Variants in ADAMTSL1 observed in about 807,000 individuals in gnomAD.
ADAMTSL1 encodes ADAMTS like 1, also known as ADAMTS-like protein 1.
ADAMTSL1 carries 126 observed loss-of-function variants against 201.8 expected under a neutral mutation model. The ratio of observed to expected loss-of-function variants is 0.62; its 90% CI spans 0.54 to 0.72. ADAMTSL1 has a LOEUF of 0.72. Ranked by LOEUF, ADAMTSL1 falls within the 30% of genes least tolerant of loss-of-function variation. The probability of loss-of-function intolerance (pLI) is 0.00; values close to 1 mark genes in which losing one functional copy is unlikely to be tolerated. For missense variants in ADAMTSL1, 2,679 were observed against 2,277.8 expected (o/e 1.18, Z -3.59); for synonymous variants, 1,121 against 903.4 (o/e 1.24, Z -4.32).
At chr9:18,099,339 ATATATATATATATATATTT>A (rs1188879231) in intron 1 of ADAMTSL1, among the ~76,000 whole-genome samples, 5 of 44,302 alleles carry the variant, frequency 1.1e-4, no homozygotes, top group East Asian at 7.5e-4. Flanking sequence ...ATATATATAT[ATATATATATATATATATTT>A]TTTTTTTTTT....
At chr9:18,453,959 A>C (rs1820510884) in intron 2 of ADAMTSL1, among the ~76,000 whole-genome samples, 2 of 152,192 alleles carry the variant, frequency 1.3e-5, no homozygotes, top group Admixed American at 1.3e-4. Flanking sequence ...GTAGTACCAA[A>C]ATCTGTATTA....
chr9:18,158,825 G>A (rs745787596), intron 1 of ADAMTSL1, among the ~76,000 whole-genome samples: 3 of 151,796 alleles, frequency 2.0e-5, no homozygotes, highest in Non-Finnish European at 4.4e-5. Context: ...CCTTCCTTCT[G>A]TTGATCTCTG....
In ADAMTSL1 at chr9:18,826,324, C is replaced by T; in HGVS notation, c.3975C>T (p.Ser1325=). The T allele has an allele frequency of 6.2e-7, 1 of 1,612,868 alleles. No homozygotes were observed. Among genetic ancestry groups the T allele is most frequent in the Non-Finnish European group, 8.5e-7 (1 of 1,179,682 alleles). ...AAGTCACTTGGTTCAGGAATAAAAGCAAACTGGGCTCCCCGCACCATCTGC... is the reference window on the plus strand; with the variant it reads ...AAGTCACTTGGTTCAGGAATAAAAGTAAACTGGGCTCCCCGCACCATCTGC... ...EAEVTWFRNK[S]KLGSPHHLHE... Residue 1325 remains serine (S), a synonymous_variant, in exon 22 of 29, where the codon AGC becomes AGT. Transcript: ENST00000380548.
In ADAMTSL1 at chr9:18,776,934, G is replaced by A. The variant is rs781529465; in HGVS notation, c.2705G>A (p.Arg902His). The change falls in exon 19 of 29, where the codon CGC (arginine) becomes CAC (histidine). Residue 902 changes from arginine (R) to histidine (H), a missense_variant. Coordinates refer to ENST00000380548, the MANE Select transcript of ADAMTSL1 (RefSeq NM_001040272.6). ...GCGGTGGTGCTGCGCTGCCCGGCGC[G>A]CAGGGTCCGCAAGCCCCTCATCACC... ...KTAVVLRCPA[R>H]RVRKPLITWE... The A allele has an allele frequency of 1.9e-6, 3 of 1,601,524 alleles. No individual in the cohort carries two copies. Among genetic ancestry groups the A allele is most frequent in the South Asian group, 1.1e-5 (1 of 88,998 alleles).
intron 4 of ADAMTSL1, among the ~76,000 whole-genome samples, chr9:18,596,653 T>G (rs1466659199): frequency 6.6e-6 from 1 of 152,144 alleles, no homozygotes; most frequent in Non-Finnish European, 1.5e-5. Context: ...CTATGTGAGG[T>G]GATATTGTTA....
intron 13 of ADAMTSL1, among the ~76,000 whole-genome samples, chr9:18,704,251 C>A: frequency 6.6e-6 from 1 of 152,168 alleles, no homozygotes; most frequent in East Asian, 1.9e-4. Context: ...GTAGCTGCAA[C>A]AGAGTTCACG....
intron 26 of ADAMTSL1, among the ~76,000 whole-genome samples, chr9:18,902,486 A>G (rs1294862051): frequency 1.3e-5 from 2 of 151,256 alleles, no homozygotes; most frequent in African/African-American, 4.9e-5. Context: ...CGTGGAAATC[A>G]AACAAAACAC....
At chr9:18,373,124 C>G (rs944210928) in intron 2 of ADAMTSL1, among the ~76,000 whole-genome samples, 4 of 152,128 alleles carry the variant, frequency 2.6e-5, no homozygotes, top group African/African-American at 9.7e-5. Flanking sequence ...GGAGTCTATT[C>G]CCATCCAACT....
intron 15 of ADAMTSL1, among the ~76,000 whole-genome samples, chr9:18,728,839 T>C (rs572054108): frequency 2.0e-5 from 3 of 152,190 alleles, no homozygotes; most frequent in African/African-American, 7.2e-5. Flanking sequence ...AGTTAAGTTG[T>C]TTAGACTTTA....
At chr9:18,659,022 T>G (rs1203875401) in intron 8 of ADAMTSL1, among the ~76,000 whole-genome samples, 1 of 152,238 alleles carries the variant, frequency 6.6e-6, no homozygotes, top group Non-Finnish European at 1.5e-5. Flanking sequence ...AGTCAGTGTT[T>G]GTGGATTATT....
intron 1 of ADAMTSL1, among the ~76,000 whole-genome samples, chr9:18,085,639 T>C (rs1823732457): frequency 1.3e-5 from 2 of 151,060 alleles, no homozygotes; most frequent in African/African-American, 4.9e-5. Flanking sequence ...TGTGTGTGTA[T>C]ATATATACAT....
chr9:18,141,381 C>T (rs1826392004), intron 1 of ADAMTSL1, among the ~76,000 whole-genome samples: 1 of 152,182 alleles, frequency 6.6e-6, no homozygotes, highest in Non-Finnish European at 1.5e-5. Context: ...TGGACACCAG[C>T]AACATGCTGT....
At chr9:18,753,812 A>G (rs1407385218) in intron 16 of ADAMTSL1, among the ~76,000 whole-genome samples, 4 of 152,186 alleles carry the variant, frequency 2.6e-5, no homozygotes, top group Non-Finnish European at 5.9e-5. Flanking sequence ...TAAAATCAAG[A>G]CAATGTGGTG....
At chr9:18,466,475 A>G (rs2131730088) in intron 2 of ADAMTSL1, among the ~76,000 whole-genome samples, 1 of 152,320 alleles carries the variant, frequency 6.6e-6, no homozygotes, top group East Asian at 1.9e-4. Context: ...TTTACCCACA[A>G]ATTCCGTGTC....
intron 1 of ADAMTSL1, among the ~76,000 whole-genome samples, chr9:18,475,221 A>G (rs1477222401): frequency 6.6e-6 from 1 of 152,230 alleles, no homozygotes; most frequent in Non-Finnish European, 1.5e-5. Context: ...CATTTATAAC[A>G]TGCCAGAACT....
At chr9:18,509,316 A>C (rs1182197795) in intron 2 of ADAMTSL1, among the ~76,000 whole-genome samples, 4 of 151,068 alleles carry the variant, frequency 2.6e-5, no homozygotes, top group African/African-American at 4.9e-5. Flanking sequence ...TTTTTCCCTC[A>C]ACAACTGGTT....
intron 1 of ADAMTSL1, among the ~76,000 whole-genome samples, chr9:17,949,312 G>A (rs1827638561): frequency 6.6e-6 from 1 of 152,174 alleles, no homozygotes; most frequent in South Asian, 2.1e-4. Context: ...CCAAGCCTGA[G>A]TGTGAGAGAG....
intron 1 of ADAMTSL1, among the ~76,000 whole-genome samples, chr9:18,107,534 T>C (rs1441988630): frequency 2.0e-5 from 3 of 152,128 alleles, no homozygotes; most frequent in Non-Finnish European, 2.9e-5. Flanking sequence ...AAGTTCTAGA[T>C]GAACATAAAA....
intron 2 of ADAMTSL1, among the ~76,000 whole-genome samples, chr9:18,530,300 A>T (rs991279400): frequency 6.6e-6 from 1 of 152,172 alleles, no homozygotes. Flanking sequence ...CCTAATTCAG[A>T]TTTGTTTCCA....
Sources: allele counts gnomAD v4.1 joint callset (sites outside exome capture counted in the v4.1 genomes callset), GRCh38; gene constraint gnomAD v4.1.1; transcripts MANE v1.5; gene names NCBI Gene and HGNC (gene_info 2026-07-23, HGNC 2026-07-21).